Variants in STAT4 observed in about 807,000 individuals in gnomAD.
The protein encoded by STAT4 is signal transducer and activator of transcription 4.
In STAT4, 42 loss-of-function variants were observed where a neutral mutation model predicts 110.5. The ratio of observed to expected loss-of-function variants is 0.38; its 90% CI spans 0.30 to 0.49. The LOEUF (loss-of-function observed/expected upper bound fraction) is 0.49, where lower values mean the gene tolerates loss of function less well. STAT4 is among the 20% of genes least tolerant of loss of function. The pLI is 0.95. For missense variants in STAT4, 632 were observed against 887.9 expected, an observed-to-expected ratio of 0.71 and a Z score of 3.66; for synonymous variants, 284 against 302.2, an observed-to-expected ratio of 0.94 and a Z score of 0.63.
rs772243658 is a variant in STAT4 at position 191,150,920 on chromosome 2, G to A, written c.-2+27C>T. The A allele has an allele frequency of 3.0e-6, 3 of 985,586 alleles. No individual in the cohort carries two copies. Among genetic ancestry groups the A allele is most frequent in the Non-Finnish European group, 3.6e-6 (3 of 829,972 alleles). The allele number at this position is 985,586 out of a possible 1,614,324, so 61.1% of individuals were successfully genotyped here. A position where few individuals can be genotyped will look rare whatever the true frequency, so the allele number is the denominator to read the frequency against. On this transcript the variant is annotated intron_variant, in intron 1 of 23. Transcript: ENST00000392320. The surrounding 1 kb of genome is among the most constrained non-coding windows in gnomAD (Gnocchi z 6.4). The stretch of plus-strand genomic sequence containing the variant: ...AAGCATGTCCTCCTTACAAGAGGCA[G>A]CCAGAAGGTGTGGTCTGGCCACTTA...
At chr2:191,131,008 A>C (rs1294565310) in intron 3 of STAT4, among the ~76,000 whole-genome samples, 1 of 151,768 alleles carries the variant, frequency 6.6e-6, no homozygotes, top group Non-Finnish European at 1.5e-5. Context: ...AAAAATAATA[A>C]AAAGTAAAAT....
intron 3 of STAT4, among the ~76,000 whole-genome samples, chr2:191,127,518 G>A (rs1328503596): frequency 1.3e-5 from 2 of 152,098 alleles, no homozygotes; most frequent in South Asian, 4.1e-4. Flanking sequence ...TTTTCACTTT[G>A]TCTCCATTCT....
At chr2:191,087,516 A>G (rs897804181) in intron 3 of STAT4, among the ~76,000 whole-genome samples, 19 of 151,978 alleles carry the variant, frequency 1.3e-4, no homozygotes, top group Non-Finnish European at 2.1e-4. Flanking sequence ...TTTCCATCCC[A>G]CTACCCCATC....
chr2:191,102,136 A>G (rs1698163947), intron 3 of STAT4, among the ~76,000 whole-genome samples: 1 of 152,036 alleles, frequency 6.6e-6, no homozygotes, highest in South Asian at 2.1e-4. Context: ...AATTTTGGCA[A>G]TCAGACATTG....
rs1263422640 is a variant in STAT4 at position 191,042,802 on chromosome 2, G to A, written c.1252-1654C>T. 6.7e-6 allele frequency among the ~76,000 whole-genome samples: 1 copy of A among 148,892 alleles called. No homozygotes were observed. The highest frequency in any genetic ancestry group is 2.5e-5 in the African/African-American group (1 of 40,292). ...CTTTTTTTTTTTTCTTTTTTGAGAT[G>A]CAGTTTTGCTCTTGTTGCCCAGGCT... is the stretch of plus-strand genomic sequence containing the variant. On this transcript the variant is annotated intron_variant, in intron 14 of 23. Transcript: ENST00000392320. The surrounding 1 kb of genome is among the most constrained non-coding windows in gnomAD (Gnocchi z 4.2).
At chr2:191,092,597 G>A (rs1697829555) in intron 3 of STAT4, among the ~76,000 whole-genome samples, 1 of 151,970 alleles carries the variant, frequency 6.6e-6, no homozygotes, top group South Asian at 2.1e-4. Context: ...GGCTGAATAG[G>A]AACAGCTCCA....
intron 13 of STAT4, among the ~76,000 whole-genome samples, chr2:191,056,597 A>G (rs1221301030): frequency 6.6e-6 from 1 of 152,104 alleles, no homozygotes; most frequent in Admixed American, 6.5e-5. Flanking sequence ...GTATTTATAT[A>G]TCATAGTTGT....
At chr2:191,109,560 C>T (rs1698371563) in intron 3 of STAT4, among the ~76,000 whole-genome samples, 1 of 152,148 alleles carries the variant, frequency 6.6e-6, no homozygotes, top group African/African-American at 2.4e-5. Context: ...AATGAGGTGG[C>T]TTTGTTGGGG....
At chr2:191,048,913 T>G (rs1309781436) in intron 14 of STAT4, among the ~76,000 whole-genome samples, 2 of 150,866 alleles carry the variant, frequency 1.3e-5, no homozygotes, top group African/African-American at 4.9e-5. Context: ...CATTATATGG[T>G]ACATCACATT....
chr2:191,140,847 T>A lies in STAT4; in HGVS notation c.273+5766A>T, dbSNP rs970614702. Among the ~76,000 whole-genome samples the A allele has an allele frequency of 6.6e-6, 1 of 152,176 alleles. No individual in the cohort carries two copies. Among genetic ancestry groups the A allele is most frequent in the African/African-American group, 2.4e-5 (1 of 41,436 alleles). On this transcript the variant is annotated intron_variant, in intron 3 of 23. Transcript: ENST00000392320. The surrounding 1 kb of genome is among the most constrained non-coding windows in gnomAD (Gnocchi z 4.4). ...GATAAGGAACCAACCTAAGTGTCCA[T>A]CAACCAATGAGTAGATAAAGAAAAT... is the stretch of plus-strand genomic sequence containing the variant.
At position 191,059,859 on chromosome 2, in the gene STAT4, G is replaced by A. The variant is rs1461811954; in HGVS notation, c.1035-1090C>T. ...TGGTGAATGGTGAGAAGGGGGCATAGTCACATAAAATCAGGCCAGATGTTT... is the reference window on the plus strand; with the variant it reads ...TGGTGAATGGTGAGAAGGGGGCATAATCACATAAAATCAGGCCAGATGTTT... On this transcript the variant is annotated intron_variant, in intron 10 of 23. Transcript: ENST00000392320. The surrounding 1 kb of genome is among the most constrained non-coding windows in gnomAD (Gnocchi z 4.7). Among the ~76,000 whole-genome samples, 3 of 152,182 alleles carry A rather than the reference G, an allele frequency of 2.0e-5. No homozygotes were observed. The highest frequency in any genetic ancestry group is 1.5e-5 in the Non-Finnish European group (1 of 68,032).
At chr2:191,106,698 A>AAAATAAAATAAAATAAAATT (rs941241495) in intron 3 of STAT4, among the ~76,000 whole-genome samples, 7 of 151,556 alleles carry the variant, frequency 4.6e-5, no homozygotes, top group Admixed American at 3.9e-4. Flanking sequence ...AAAATAAAAT[A>AAAATAAAATAAAATAAAATT]AAAAAATGTA....
intron 13 of STAT4, among the ~76,000 whole-genome samples, chr2:191,055,110 T>C (rs1042090230): frequency 6.6e-6 from 1 of 152,194 alleles, no homozygotes; most frequent in African/African-American, 2.4e-5. Flanking sequence ...ATATAATTAT[T>C]TTAGAAAAAA....
chr2:191,070,840 C>T (rs1237749895), intron 5 of STAT4, among the ~76,000 whole-genome samples: 2 of 150,486 alleles, frequency 1.3e-5, no homozygotes, highest in Non-Finnish European at 2.9e-5. Flanking sequence ...AGCTTCTTTG[C>T]CTGTAAAAAG....
In STAT4 at chr2:191,108,006, G is replaced by T. The variant is rs1337554277; in HGVS notation, c.274-31681C>A. Among the ~76,000 whole-genome samples, 9 of 152,038 alleles carry T rather than the reference G, an allele frequency of 5.9e-5. No individual in the cohort carries two copies. The East Asian group carries it at 9.6e-4, about 16-fold the overall frequency. ...GAATGAAAGAAAGACATTATCCATT[G>T]TTGGCCGGGTGCGGGGGCTCACGTC... On this transcript the variant is annotated intron_variant, in intron 3 of 23. Coordinates refer to ENST00000392320, the MANE Select transcript of STAT4 (RefSeq NM_003151.4).
In STAT4 at chr2:191,038,795, A is replaced by G. The variant is rs1244340653; in HGVS notation, c.1434+404T>C. Among the ~76,000 whole-genome samples, 5 of 152,304 alleles carry G rather than the reference A, an allele frequency of 3.3e-5. No individual in the cohort carries two copies. In the East Asian group the frequency reaches 9.6e-4, roughly 29 times the overall value. Reference sequence around the variant, plus strand: ...ATTAGGCAAGATTGATGAATATTCTACTTACTTACTTGGAAACCAATTCTC... The same window carrying G: ...ATTAGGCAAGATTGATGAATATTCTGCTTACTTACTTGGAAACCAATTCTC... On this transcript the variant is annotated intron_variant, in intron 16 of 23. Transcript: ENST00000392320.
In STAT4 at chr2:191,120,491, A is replaced by G. The variant is rs187948761; in HGVS notation, c.273+26122T>C. 1.7e-3 allele frequency among the ~76,000 whole-genome samples: 262 copies of G among 152,258 alleles called. 1 individual carries two copies. Among genetic ancestry groups the G allele is most frequent in the African/African-American group, 6.3e-3 (260 of 41,556 alleles). On this transcript the variant is annotated intron_variant, in intron 3 of 23. Transcript: ENST00000392320. ...CGTGATTGAGCCACTGCACTCTAGC[A>G]TGGGTGACAGAGCAAAACCTTGTCT... is the stretch of plus-strand genomic sequence containing the variant.
rs1698236030 is a variant in STAT4 at position 191,104,857 on chromosome 2, G to C, written c.274-28532C>G. 1.3e-5 allele frequency among the ~76,000 whole-genome samples: 2 copies of C among 152,058 alleles called. 1 individual carries two copies. Among genetic ancestry groups the C allele is most frequent in the South Asian group, 4.2e-4 (2 of 4,814 alleles). On this transcript the variant is annotated intron_variant, in intron 3 of 23. Transcript: ENST00000392320. The surrounding 1 kb of genome is among the most constrained non-coding windows in gnomAD (Gnocchi z 4.3). ...TCTGGACTAAGACTGAGACCACCTG[G>C]TGCTTGAGCAGAAAAAAGTCCCAAT...
At position 191,113,869 on chromosome 2, in the gene STAT4, A is replaced by T. The variant is rs1208333062; in HGVS notation, c.273+32744T>A. Among the ~76,000 whole-genome samples, 1 of 152,230 alleles carries T rather than the reference A, an allele frequency of 6.6e-6. No homozygotes were observed. Among genetic ancestry groups the T allele is most frequent in the Non-Finnish European group, 1.5e-5 (1 of 68,038 alleles). On this transcript the variant is annotated intron_variant, in intron 3 of 23. Transcript: ENST00000392320. This position sits in a 1 kb window ranked among gnomAD's most constrained non-coding sequence, Gnocchi z 4.8. ...TACAGAAATAGAGAAAGTGATTTAT[A>T]TAAAGAACATGTTTTCATATGTATC...
Sources: gnomAD v4.1 joint callset for allele counts (sites outside exome capture counted in the v4.1 genomes callset) on GRCh38, gnomAD v4.1.1 for gene constraint, Gnocchi (gnomAD v3.1) non-coding constraint, MANE v1.5 for transcripts, NCBI Gene and HGNC (gene_info 2026-07-23, HGNC 2026-07-21) for gene names.